ARID2: variants seen among roughly 807,000 people sequenced by gnomAD.
The protein encoded by ARID2 is AT-rich interactive domain-containing protein 2.
A neutral mutation model predicts 184.6 loss-of-function variants in ARID2; 32 were observed. The observed-to-expected ratio is 0.17, with a 90% CI of 0.13 to 0.23. ARID2 has a LOEUF of 0.23. Among genes scored for constraint, ARID2 ranks in the 10% least tolerant of loss-of-function variants. The pLI, the probability that ARID2 is intolerant of heterozygous loss-of-function variation, is 1.00. For missense variants in ARID2, 1,696 were observed against 2,197.6 expected (o/e 0.77, Z 4.56); for synonymous variants, 836 against 772.6 (o/e 1.08, Z -1.36).
rs2138158482 is a variant in ARID2, at chr12:45,850,022, C to G, written c.1913-14C>G. 4 of 1,567,788 alleles carry G rather than the reference C, an allele frequency of 2.6e-6. No individual in the cohort carries two copies. Among genetic ancestry groups the G allele is most frequent in the Non-Finnish European group, 3.5e-6 (4 of 1,159,248 alleles). Reference sequence around the variant, plus strand: ...ATTTCATTTGGAATTTTGACGTTTTCTTCATATTTTCAGGAATCCCTCATG... The same window carrying G: ...ATTTCATTTGGAATTTTGACGTTTTGTTCATATTTTCAGGAATCCCTCATG... On this transcript the variant is annotated splice_polypyrimidine_tract_variant and intron_variant, in intron 14 of 20. Coordinates refer to ENST00000334344, the MANE Select transcript of ARID2 (RefSeq NM_152641.4).
rs1377390720 is a variant in ARID2, at chr12:45,851,390, T to C, written c.3267T>C (p.Asn1089=). ...CTCCACAGATTCCTCCCCCTAATAA[T>C]GCAAGAGCTCCTAGCCCTCAGGTGG... ...LPAPQIPPPN[N]ARAPSPQVVY... Residue 1089 remains asparagine (N), a synonymous_variant, in exon 15 of 21, where the codon AAT becomes AAC. Transcript: ENST00000334344. The C allele has an allele frequency of 6.2e-6, 10 of 1,613,962 alleles. No homozygotes were observed. Among genetic ancestry groups the C allele is most frequent in the Non-Finnish European group, 8.5e-6 (10 of 1,179,984 alleles).
At position 45,873,835 on chromosome 12, in the gene ARID2, A is replaced by G. The variant is rs572195925; in HGVS notation, c.4922+12886A>G. Among the ~76,000 whole-genome samples the G allele has an allele frequency of 2.0e-5, 3 of 152,320 alleles. No individual in the cohort carries two copies. The South Asian group carries it at 6.2e-4, about 32-fold the overall frequency. On this transcript the variant is annotated intron_variant, in intron 16 of 20. Coordinates refer to ENST00000334344, the MANE Select transcript of ARID2 (RefSeq NM_152641.4). ...AAGTCATCATCTTTTTGCTGGTGAAAGGTCTTGCCTCGATATTGATGGCTG... is the reference window on the plus strand; with the variant it reads ...AAGTCATCATCTTTTTGCTGGTGAAGGGTCTTGCCTCGATATTGATGGCTG...
intron 4 of ARID2, among the ~76,000 whole-genome samples, chr12:45,817,194 T>C (rs1469694187): frequency 6.6e-6 from 1 of 152,008 alleles, no homozygotes; most frequent in Non-Finnish European, 1.5e-5. Flanking sequence ...CTCTCTCTAC[T>C]AAAAATAAAA....
At position 45,836,069 on chromosome 12, in the gene ARID2, C is replaced by CT. The variant is rs1943216010; in HGVS notation, c.706-515dup. On this transcript the variant is annotated intron_variant, in intron 6 of 20. Coordinates refer to ENST00000334344, the MANE Select transcript of ARID2 (RefSeq NM_152641.4). ...AAAAGCCCTAAACATAAAAAGATGC[C>CT]TTTTTATATAAGTATCTGAAACTAT... 2.0e-5 allele frequency among the ~76,000 whole-genome samples: 3 copies of CT among 152,110 alleles called. No homozygotes were observed. The South Asian group carries it at 6.2e-4, about 32-fold the overall frequency.
At chr12:45,892,620 CCT>C (rs763224984) in intron 18 of ARID2, among the ~76,000 whole-genome samples, 4 of 151,978 alleles carry the variant, frequency 2.6e-5, no homozygotes, top group African/African-American at 4.8e-5. Flanking sequence ...CAGAAATACC[CCT>C]GCTTTTCAGA....
At chr12:45,784,207 A>T (rs1291108615) in intron 3 of ARID2, among the ~76,000 whole-genome samples, 3 of 151,670 alleles carry the variant, frequency 2.0e-5, no homozygotes, top group Non-Finnish European at 4.4e-5. Context: ...ATTTTTAGAG[A>T]TGAGGGTCTT....
chr12:45,869,266 C>T lies in ARID2; in HGVS notation c.4922+8317C>T, dbSNP rs528177808. ...TCCTGAGCTCGTGATCTGCCTGCCT[C>T]GGCCTCCCAAAGTGCTGGGATTACA... On this transcript the variant is annotated intron_variant, in intron 16 of 20. Coordinates refer to ENST00000334344, the MANE Select transcript of ARID2 (RefSeq NM_152641.4). 1.7e-4 allele frequency among the ~76,000 whole-genome samples: 26 copies of T among 152,182 alleles called. No individual in the cohort carries two copies. In the East Asian group the frequency reaches 2.5e-3, roughly 15 times the overall value.
chr12:45,768,633 G>A (rs1941814606), intron 3 of ARID2, among the ~76,000 whole-genome samples: 1 of 152,172 alleles, frequency 6.6e-6, no homozygotes, highest in East Asian at 1.9e-4. Context: ...GAGACAGTTA[G>A]GAGGAGATTG....
At chr12:45,833,109 A>G (rs1054215958) in intron 6 of ARID2, among the ~76,000 whole-genome samples, 1 of 152,176 alleles carries the variant, frequency 6.6e-6, no homozygotes, top group African/African-American at 2.4e-5. Context: ...TTATGCATTC[A>G]TCTTTTCTAG....
chr12:45,806,408 C>T (rs749243320), intron 3 of ARID2, among the ~76,000 whole-genome samples: 1 of 152,106 alleles, frequency 6.6e-6, no homozygotes, highest in Non-Finnish European at 1.5e-5. Flanking sequence ...CAGTTAAAGA[C>T]ATTCTTCTAT....
intron 4 of ARID2, among the ~76,000 whole-genome samples, chr12:45,816,275 A>G (rs1942801545): frequency 6.6e-6 from 1 of 152,222 alleles, no homozygotes; most frequent in African/African-American, 2.4e-5. Context: ...CCATAAAAGT[A>G]AATATTTGTA....
In ARID2 at chr12:45,852,391, T is replaced by C. The variant is rs1221566317; in HGVS notation, c.4268T>C (p.Leu1423Ser). ...ATTTCTAATGGACCTGTATTAACTT[T>C]GGGTGGTTCATCTGTGAGCAGTATA... The part of the protein sequence containing the change: ...ERISNGPVLT[L>S]GGSSVSSIQE... Residue 1423 changes from leucine (L) to serine (S), a missense_variant, in exon 15 of 21, where the codon TTG (leucine) becomes TCG (serine). Transcript: ENST00000334344. 3 of 1,614,154 alleles carry C rather than the reference T, an allele frequency of 1.9e-6. No individual in the cohort carries two copies.
At position 45,836,786 on chromosome 12, in the gene ARID2, C is replaced by T. The variant is rs769348347; in HGVS notation, c.818C>T (p.Pro273Leu). ...EWIWESLFHPPRKLGINDIEG... is the reference protein window; with the variant it reads ...EWIWESLFHPLRKLGINDIEG... ...ATTTGGGAGTCTTTATTTCATCCAC[C>T]TCGAAAGCTGGGCATTAACGATATT... The change falls in exon 8 of 21, where the codon CCT becomes CTT. Residue 273 changes from proline (P) to leucine (L), a missense_variant. Pro to Leu is a moderately conservative substitution (Grantham distance 98). Transcript: ENST00000334344. The T allele has an allele frequency of 1.9e-6, 3 of 1,613,956 alleles. No homozygotes were observed. The highest frequency in any genetic ancestry group is 2.5e-6 in the Non-Finnish European group (3 of 1,179,948).
intron 16 of ARID2, among the ~76,000 whole-genome samples, chr12:45,871,330 A>G (rs1943922691): frequency 6.6e-6 from 1 of 152,154 alleles, no homozygotes; most frequent in African/African-American, 2.4e-5. Context: ...TGAGTAGATA[A>G]TGGATTATGT....
Position 45,891,841 on chromosome 12 carries a change from G to T in ARID2, c.4984G>T (p.Val1662Leu). The change falls in exon 17 of 21, where the codon GTA becomes TTA. Residue 1662 changes from valine (V) to leucine (L), a missense_variant. Coordinates refer to ENST00000334344, the MANE Select transcript of ARID2 (RefSeq NM_152641.4). ...AGCAACTGAACATGGAGGAAAAGATGTATATCCAGGGCAGTGTCTTTGGGA... is the reference window on the plus strand; with the variant it reads ...AGCAACTGAACATGGAGGAAAAGATTTATATCCAGGGCAGTGTCTTTGGGA... ...HAATEHGGKD[V>L]YPGQCLWEGC... 6.2e-7 allele frequency: 1 copy of T among 1,614,208 alleles called. No homozygotes were observed. Among genetic ancestry groups the T allele is most frequent in the African/African-American group, 1.3e-5 (1 of 75,062 alleles).
chr12:45,752,751 T>G (rs570496570), intron 3 of ARID2, among the ~76,000 whole-genome samples: 1 of 152,328 alleles, frequency 6.6e-6, no homozygotes, highest in African/African-American at 2.4e-5. Flanking sequence ...CTGCCTTGGC[T>G]TTCCAAAATG....
intron 3 of ARID2, among the ~76,000 whole-genome samples, chr12:45,757,837 C>T (rs1306229221): frequency 6.6e-6 from 1 of 152,166 alleles, no homozygotes; most frequent in Middle Eastern, 3.2e-3. Flanking sequence ...GAATGCATTT[C>T]AATTAGATCT....
chr12:45,899,665 ATATGGTTATATATGGTTATATATATATG>A (rs1312615145), intron 20 of ARID2, among the ~76,000 whole-genome samples: 7 of 23,894 alleles, frequency 2.9e-4, no homozygotes, highest in African/African-American at 7.2e-4. Flanking sequence ...ATATATATAT[ATATGGTTATATATGGTTATATATATATG>A]GTTATATATA....
intron 3 of ARID2, among the ~76,000 whole-genome samples, chr12:45,803,082 T>TA (rs906819736): frequency 2.3e-4 from 35 of 151,722 alleles, no homozygotes; most frequent in East Asian, 9.6e-4. Flanking sequence ...TCTTTTTTTC[T>TA]AAAAAAAAAT....
Sources: allele counts gnomAD v4.1 joint callset (sites outside exome capture counted in the v4.1 genomes callset), GRCh38; gene constraint gnomAD v4.1.1; transcripts MANE v1.5; gene names NCBI Gene and HGNC (gene_info 2026-07-23, HGNC 2026-07-21).